CCDC172: variants seen among roughly 807,000 people sequenced by gnomAD.
CCDC172 encodes coiled-coil domain-containing protein 172.
In CCDC172, 30 loss-of-function variants were observed where a neutral mutation model predicts 38.0. The observed-to-expected ratio is 0.79, with a 90% CI of 0.59 to 1.07. CCDC172 has a LOEUF of 1.07. Among genes scored for constraint, CCDC172 ranks in the 50% least tolerant of loss-of-function variants. The pLI, the probability that CCDC172 is intolerant of heterozygous loss-of-function variation, is 0.00. For synonymous variants in CCDC172, 78 were observed against 88.3 expected (o/e 0.88, Z 0.66); for missense variants, 297 against 290.1 (o/e 1.02, Z -0.17).
In CCDC172 at chr10:116,379,525, G is replaced by C; in HGVS notation, c.*167G>C. The C allele has an allele frequency of 2.4e-6, 1 of 421,382 alleles. No individual in the cohort carries two copies. The highest frequency in any genetic ancestry group is 3.7e-5 in the East Asian group (1 of 26,908). The allele number at this position is 421,382 out of a possible 1,614,324, so 26.1% of individuals were successfully genotyped here. A position where few individuals can be genotyped will look rare whatever the true frequency, so the allele number is the denominator to read the frequency against. On this transcript the variant is annotated 3_prime_UTR_variant, in exon 9 of 9. Coordinates refer to ENST00000333254, the MANE Select transcript of CCDC172 (RefSeq NM_198515.3). ...TAGAAATGATGTGTTAGCCCTTTAAGATAATTTTTGTCTTGTTACTCAAAC... is the reference window on the plus strand; with the variant it reads ...TAGAAATGATGTGTTAGCCCTTTAACATAATTTTTGTCTTGTTACTCAAAC...
At chr10:116,344,798 T>A (rs535644267) in intron 5 of CCDC172, among the ~76,000 whole-genome samples, 3 of 151,916 alleles carry the variant, frequency 2.0e-5, no homozygotes, top group Non-Finnish European at 4.4e-5. Context: ...ATACAAAAAA[T>A]TTTTTTCTTT....
At chr10:116,326,943 G>A (rs1332825419) in intron 3 of CCDC172, among the ~76,000 whole-genome samples, 1 of 152,114 alleles carries the variant, frequency 6.6e-6, no homozygotes, top group Admixed American at 6.6e-5. Context: ...TGGTGGTATG[G>A]GCAAAACATT....
At chr10:116,367,416 G>A (rs898768870) in intron 7 of CCDC172, among the ~76,000 whole-genome samples, 4 of 152,046 alleles carry the variant, frequency 2.6e-5, no homozygotes, top group African/African-American at 7.2e-5. Context: ...GAGGCCAGGC[G>A]CGGTGGCTTA....
chr10:116,359,234 C>T (rs1262110768), intron 7 of CCDC172, among the ~76,000 whole-genome samples: 1 of 152,058 alleles, frequency 6.6e-6, no homozygotes, highest in Non-Finnish European at 1.5e-5. Flanking sequence ...ACAATTAATG[C>T]AATAACAAGA....
At chr10:116,361,675 T>G (rs920000292) in intron 7 of CCDC172, among the ~76,000 whole-genome samples, 1 of 152,174 alleles carries the variant, frequency 6.6e-6, no homozygotes, top group Admixed American at 6.5e-5. Flanking sequence ...AATATACACC[T>G]GCTACGAGAG....
intron 5 of CCDC172, among the ~76,000 whole-genome samples, chr10:116,354,074 G>C (rs1844964354): frequency 6.6e-6 from 1 of 152,182 alleles, no homozygotes; most frequent in African/African-American, 2.4e-5. Flanking sequence ...GTCTATGAAA[G>C]ACCATGTATG....
At chr10:116,329,422 A>C (rs1844629953) in intron 3 of CCDC172, among the ~76,000 whole-genome samples, 1 of 151,908 alleles carries the variant, frequency 6.6e-6, no homozygotes, top group African/African-American at 2.4e-5. Flanking sequence ...TGCTGATTCC[A>C]TTAGCTGTTA....
chr10:116,324,956 A>T lies in CCDC172; in HGVS notation c.-56A>T. On this transcript the variant is annotated 5_prime_UTR_variant, in exon 2 of 9. Transcript: ENST00000333254. ...TTATTCTGCTTTCCAGGATCCTCAG[A>T]GTTGGTTATAAAATATTTAAGGGCG... 2 of 1,367,434 alleles carry T rather than the reference A, an allele frequency of 1.5e-6. No individual in the cohort carries two copies. Among genetic ancestry groups the T allele is most frequent in the Non-Finnish European group, 2.1e-6 (2 of 957,394 alleles). The allele number at this position is 1,367,434 out of a possible 1,614,324, so 84.7% of individuals were successfully genotyped here.
intron 7 of CCDC172, 106 bp from the exon 8 acceptor site, chr10:116,378,317 T>C (rs1845272593): frequency 8.8e-7 from 1 of 1,138,816 alleles, no homozygotes; most frequent in African/African-American, 1.6e-5. Context: ...TATTTAGTCT[T>C]AACTTGAAAT....
Position 116,346,801 on chromosome 10 carries a change from C to G in CCDC172, c.448+4600C>G, listed in dbSNP as rs577780906. On this transcript the variant is annotated intron_variant, in intron 5 of 8. Transcript: ENST00000333254. Reference sequence around the variant, plus strand: ...TTTTATTCTTTCAGAAAGTCTGTTTCTAGGTATTTCATAACATTTTCATAT... The same window carrying G: ...TTTTATTCTTTCAGAAAGTCTGTTTGTAGGTATTTCATAACATTTTCATAT... Among the ~76,000 whole-genome samples the G allele has an allele frequency of 6.6e-5, 10 of 152,060 alleles. No individual in the cohort carries two copies. In the East Asian group the frequency reaches 1.9e-3, roughly 29 times the overall value.
At chr10:116,358,069 A>G (rs1161892716) in intron 7 of CCDC172, 131 bp downstream of exon 7, 1 of 584,954 alleles carries the variant, frequency 1.7e-6, no homozygotes, top group East Asian at 3.2e-5. Context: ...TTCTCTGTGT[A>G]TTCTGACACG....
At chr10:116,339,468 T>G (rs923484380) in intron 3 of CCDC172, among the ~76,000 whole-genome samples, 1 of 151,928 alleles carries the variant, frequency 6.6e-6, no homozygotes. Flanking sequence ...TGGCCATATG[T>G]TTTCTAATTT....
At chr10:116,368,088 AT>A (rs1845144766) in intron 7 of CCDC172, among the ~76,000 whole-genome samples, 1 of 152,152 alleles carries the variant, frequency 6.6e-6, no homozygotes, top group Non-Finnish European at 1.5e-5. Context: ...AGAGCATTAT[AT>A]CAGGAGGCTC....
intron 5 of CCDC172, among the ~76,000 whole-genome samples, chr10:116,355,504 C>T (rs1844985341): frequency 6.6e-6 from 1 of 152,078 alleles, no homozygotes; most frequent in South Asian, 2.1e-4. Context: ...TGTCAAACAA[C>T]ACATGGCTGT....
intron 7 of CCDC172, among the ~76,000 whole-genome samples, chr10:116,366,675 A>G (rs1480677943): frequency 2.0e-5 from 3 of 152,192 alleles, no homozygotes; most frequent in Non-Finnish European, 2.9e-5. Context: ...TTGTTCCAGG[A>G]TAGATGCCTG....
intron 5 of CCDC172, among the ~76,000 whole-genome samples, chr10:116,343,253 A>T (rs1034078381): frequency 6.6e-6 from 1 of 152,110 alleles, no homozygotes; most frequent in African/African-American, 2.4e-5. Flanking sequence ...TGTCCTCTTG[A>T]TCTGAAGACC....
At position 116,379,458 on chromosome 10, in the gene CCDC172, T is replaced by C. The variant is rs1589962587; in HGVS notation, c.*100T>C. The C allele has an allele frequency of 6.0e-6, 4 of 661,826 alleles. No individual in the cohort carries two copies. In the East Asian group the frequency reaches 1.2e-4, roughly 20 times the overall value. 41.0% of individuals were successfully genotyped at this position (661,826 alleles called of 1,614,324 possible). ...AATGGTACCCGTTACAACGGATCCT[T>C]GTGGGAAATATGGGGTTTAAAATAT... On this transcript the variant is annotated 3_prime_UTR_variant, in exon 9 of 9. Coordinates refer to ENST00000333254, the MANE Select transcript of CCDC172 (RefSeq NM_198515.3).
chr10:116,348,867 T>C (rs1188903640), intron 5 of CCDC172, among the ~76,000 whole-genome samples: 2 of 152,086 alleles, frequency 1.3e-5, no homozygotes, highest in Non-Finnish European at 2.9e-5. Context: ...TTTTAATCCT[T>C]TATCTAGTTT....
intron 6 of CCDC172, 142 bp from the exon 7 acceptor site, chr10:116,357,694 T>C (rs1387050281): frequency 5.7e-5 from 38 of 667,864 alleles, no homozygotes; most frequent in Admixed American, 2.6e-4. Context: ...GTAATTGCTA[T>C]ATTAAAGTAG....
Sources: allele counts gnomAD v4.1 joint callset (sites outside exome capture counted in the v4.1 genomes callset), GRCh38; gene constraint gnomAD v4.1.1; transcripts MANE v1.5; gene names NCBI Gene and HGNC (gene_info 2026-07-23, HGNC 2026-07-21).